The following TSHZ2 variants were observed in gnomAD, a reference collection of about 807,000 sequenced individuals.
The protein encoded by TSHZ2 is teashirt zinc finger homeobox 2, also known as teashirt homolog 2.
A neutral mutation model predicts 74.4 loss-of-function variants in TSHZ2; 21 were observed. The observed-to-expected ratio is 0.28, with a 90% CI of 0.20 to 0.41. TSHZ2 has a LOEUF of 0.41. Among genes scored for constraint, TSHZ2 ranks in the 10% least tolerant of loss-of-function variants. The pLI, the probability that TSHZ2 is intolerant of heterozygous loss-of-function variation, is 1.00. For missense variants in TSHZ2, 1,244 were observed against 1,293.5 expected, an observed-to-expected ratio of 0.96 and a Z score of 0.59; for synonymous variants, 540 against 515.3, an observed-to-expected ratio of 1.05 and a Z score of -0.65.
intron 1 of TSHZ2, among the ~76,000 whole-genome samples, chr20:53,099,987 T>C (rs1213703981): frequency 6.6e-6 from 1 of 152,174 alleles, no homozygotes; most frequent in Non-Finnish European, 1.5e-5. Flanking sequence ...ATGGAAGGAA[T>C]CCACTTTTTG....
intron 1 of TSHZ2, among the ~76,000 whole-genome samples, chr20:53,205,633 C>G (rs1291347282): frequency 2.0e-5 from 3 of 152,104 alleles, no homozygotes; most frequent in African/African-American, 4.8e-5. Context: ...GACATGAGAT[C>G]CGAGCATATT....
At chr20:53,097,145 G>C (rs947591666) in intron 1 of TSHZ2, among the ~76,000 whole-genome samples, 1 of 152,042 alleles carries the variant, frequency 6.6e-6, no homozygotes, top group African/African-American at 2.4e-5. Context: ...AACATCCCCT[G>C]GGACAAGGAG....
chr20:53,087,433 G>A (rs1173048757), intron 1 of TSHZ2, among the ~76,000 whole-genome samples: 1 of 152,174 alleles, frequency 6.6e-6, no homozygotes, highest in Non-Finnish European at 1.5e-5. Flanking sequence ...AAGTTCTGAT[G>A]TTTTAGCTCT....
intron 2 of TSHZ2, among the ~76,000 whole-genome samples, chr20:53,319,629 G>A (rs1979168123): frequency 6.6e-6 from 1 of 152,256 alleles, no homozygotes; most frequent in Non-Finnish European, 1.5e-5. Context: ...ACAAGGCTGA[G>A]AGTGGAATGG....
At chr20:53,156,640 TC>T (rs1393587206) in intron 1 of TSHZ2, among the ~76,000 whole-genome samples, 25 of 152,150 alleles carry the variant, frequency 1.6e-4, no homozygotes, top group African/African-American at 5.6e-4. Flanking sequence ...AAGGGCAAAC[TC>T]CCATGATTCA....
chr20:52,974,464 C>T (rs1255666258), intron 1 of TSHZ2, among the ~76,000 whole-genome samples: 2 of 151,722 alleles, frequency 1.3e-5, no homozygotes, highest in African/African-American at 4.8e-5. Context: ...TTCTTTGTGT[C>T]CTTTAGTTGA....
At chr20:53,460,944 A>C (rs1170850066) in intron 2 of TSHZ2, among the ~76,000 whole-genome samples, 1 of 152,224 alleles carries the variant, frequency 6.6e-6, no homozygotes, top group Non-Finnish European at 1.5e-5. Context: ...CTCTCTTCAA[A>C]GCTGTCAGAC....
At chr20:53,365,968 C>T (rs1416130483) in intron 2 of TSHZ2, among the ~76,000 whole-genome samples, 1 of 152,208 alleles carries the variant, frequency 6.6e-6, no homozygotes, top group Non-Finnish European at 1.5e-5. Flanking sequence ...AATCCTCAAC[C>T]TTGGAGATTG....
chr20:53,186,882 C>T (rs769648463), intron 1 of TSHZ2, among the ~76,000 whole-genome samples: 2 of 151,666 alleles, frequency 1.3e-5, no homozygotes, highest in African/African-American at 2.4e-5. Flanking sequence ...GCAGTGTGTG[C>T]GCAGGGACAC....
intron 2 of TSHZ2, chr20:53,398,734 C>A (rs890917593): frequency 1.3e-5 from 2 of 152,188 alleles, no homozygotes; most frequent in African/African-American, 4.8e-5. Flanking sequence ...GCCTGGGTCA[C>A]AAAGTGAGAC....
chr20:53,006,936 T>C lies in TSHZ2; in HGVS notation c.40+33603T>C, dbSNP rs60544105. 6.9e-3 allele frequency among the ~76,000 whole-genome samples: 1,039 copies of C among 150,756 alleles called. 15 individuals are homozygous for C. Among genetic ancestry groups the C allele is most frequent in the African/African-American group, 0.024 (986 of 41,012 alleles). ...AGTTGGGAGAGTTAGAGGGGAAAAC[T>C]GAATATCAGTATAAATATTTGAGCA... On this transcript the variant is annotated intron_variant, in intron 1 of 2. Coordinates refer to ENST00000371497, the MANE Select transcript of TSHZ2 (RefSeq NM_173485.6).
At chr20:53,051,494 C>A (rs943325005) in intron 1 of TSHZ2, among the ~76,000 whole-genome samples, 3 of 147,798 alleles carry the variant, frequency 2.0e-5, no homozygotes, top group African/African-American at 7.8e-5. Context: ...CACACACACA[C>A]AATTCAGGTG....
chr20:53,015,887 T>C (rs963857897), intron 1 of TSHZ2, among the ~76,000 whole-genome samples: 3 of 152,054 alleles, frequency 2.0e-5, no homozygotes, highest in Admixed American at 6.6e-5. Flanking sequence ...GGGCTGAAAG[T>C]AAGGGCAGCA....
rs139483851 is a variant in TSHZ2, at chr20:53,214,933, A to C, written c.41-38566A>C. ...AAGCAAGATTTGTGAAGGATGTGGC[A>C]TTTAAAAGGTTGAGATAAGAGTTCA... On this transcript the variant is annotated intron_variant, in intron 1 of 2. Transcript: ENST00000371497. Among the ~76,000 whole-genome samples the C allele has an allele frequency of 3.7e-4, 56 of 152,284 alleles. No homozygotes were observed. In the East Asian group the frequency reaches 9.7e-3, roughly 26 times the overall value.
rs188737349 is a variant in TSHZ2, at chr20:53,417,828, T to C, written c.*9-69316T>C. ...TAATAATCCTCCTTCTATGGCAGTCTCTTTACAAAGAAATCTGGAGAATAC... is the reference window on the plus strand; with the variant it reads ...TAATAATCCTCCTTCTATGGCAGTCCCTTTACAAAGAAATCTGGAGAATAC... On this transcript the variant is annotated intron_variant, in intron 2 of 2. Transcript: ENST00000371497. 3.6e-4 allele frequency among the ~76,000 whole-genome samples: 55 copies of C among 152,310 alleles called. No individual in the cohort carries two copies. The East Asian group carries it at 7.7e-3, about 21-fold the overall frequency.
At position 53,136,553 on chromosome 20, in the gene TSHZ2, CTTAA is replaced by C. The variant is rs1987250738; in HGVS notation, c.41-116943_41-116940del. Among the ~76,000 whole-genome samples, 4 of 152,294 alleles carry C rather than the reference CTTAA, an allele frequency of 2.6e-5. No homozygotes were observed. The South Asian group carries it at 8.3e-4, about 32-fold the overall frequency. ...CTTAAAGCCCACTTCAGTAGACACT[CTTAA>C]TTCTGTTTTATAGAAGAGGAACCTG... On this transcript the variant is annotated intron_variant, in intron 1 of 2. Transcript: ENST00000371497.
intron 2 of TSHZ2, among the ~76,000 whole-genome samples, chr20:53,361,334 A>G (rs899388146): frequency 4.6e-5 from 7 of 152,242 alleles, no homozygotes; most frequent in Admixed American, 1.3e-4. Context: ...GGCCTGCAAC[A>G]TAATAGGCAG....
At chr20:53,441,896 C>A (rs1039834073) in intron 2 of TSHZ2, among the ~76,000 whole-genome samples, 2 of 152,286 alleles carry the variant, frequency 1.3e-5, no homozygotes, top group African/African-American at 4.8e-5. Flanking sequence ...CATTATAACC[C>A]TTTAAATGTG....
intron 2 of TSHZ2, among the ~76,000 whole-genome samples, chr20:53,408,827 T>G (rs1568904592): frequency 6.6e-6 from 1 of 152,344 alleles, no homozygotes; most frequent in South Asian, 2.1e-4. Context: ...AGCTGGCTGA[T>G]GTCTGTTTCA....
Sources: gnomAD v4.1 joint callset for allele counts (sites outside exome capture counted in the v4.1 genomes callset) on GRCh38, gnomAD v4.1.1 for gene constraint, MANE v1.5 for transcripts, NCBI Gene and HGNC (gene_info 2026-07-23, HGNC 2026-07-21) for gene names.